Variants in TRIM44 observed in about 807,000 individuals in gnomAD.
TRIM44 encodes tripartite motif containing 44.
Under a neutral mutation model 37.4 loss-of-function variants are expected in TRIM44, and 13 were observed. The observed-to-expected ratio is 0.35, with a 90% confidence interval of 0.23 to 0.55. TRIM44 has a LOEUF of 0.55. Ranked by LOEUF, TRIM44 falls within the 20% of genes least tolerant of loss-of-function variation. TRIM44 has a pLI of 0.89. For synonymous variants in TRIM44, 175 were observed against 157.2 expected, an observed-to-expected ratio of 1.11 and a Z score of -0.85; for missense variants, 426 against 437.2, an observed-to-expected ratio of 0.97 and a Z score of 0.23.
intron 1 of TRIM44, among the ~76,000 whole-genome samples, chr11:35,676,444 TGTCTTTGGAGAAGAG>T (rs1450339528): frequency 6.6e-6 from 1 of 152,142 alleles, no homozygotes; most frequent in Non-Finnish European, 1.5e-5. Flanking sequence ...GAGAAAAACT[TGTCTTTGGAGAAGAG>T]GCTTCTGTAT....
At chr11:35,705,917 A>G (rs1851872709) in intron 2 of TRIM44, among the ~76,000 whole-genome samples, 1 of 148,986 alleles carries the variant, frequency 6.7e-6, no homozygotes, top group Non-Finnish European at 1.5e-5. Context: ...AAATCAGAGC[A>G]GAACTGAAGG....
At chr11:35,666,609 A>G (rs1046969334) in intron 1 of TRIM44, among the ~76,000 whole-genome samples, 1 of 152,116 alleles carries the variant, frequency 6.6e-6, no homozygotes, top group African/African-American at 2.4e-5. Flanking sequence ...AATATTGTAG[A>G]AAATATGAGC....
At chr11:35,761,150 T>C (rs1028814741) in intron 4 of TRIM44, among the ~76,000 whole-genome samples, 4 of 152,362 alleles carry the variant, frequency 2.6e-5, no homozygotes, top group Non-Finnish European at 2.9e-5. Context: ...CCAACTAGTA[T>C]TCCATTGTGT....
At chr11:35,689,506 A>G (rs535709803) in intron 2 of TRIM44, among the ~76,000 whole-genome samples, 2 of 152,298 alleles carry the variant, frequency 1.3e-5, no homozygotes, top group South Asian at 2.1e-4. Context: ...GACTTGGTTT[A>G]GTTTGCAAAC....
chr11:35,795,527 C>T (rs970541805), intron 4 of TRIM44, among the ~76,000 whole-genome samples: 1 of 151,964 alleles, frequency 6.6e-6, no homozygotes, highest in African/African-American at 2.4e-5. Flanking sequence ...ATTTTGAGCA[C>T]CATGCTTGGC....
chr11:35,752,463 G>A (rs1009264102), intron 4 of TRIM44, among the ~76,000 whole-genome samples: 1 of 152,114 alleles, frequency 6.6e-6, no homozygotes, highest in Non-Finnish European at 1.5e-5. Flanking sequence ...CATTGTGTCT[G>A]GAATTTGTGT....
rs375362032 is a variant in TRIM44 at position 35,727,912 on chromosome 11, A to G, written c.987+1749A>G. Among the ~76,000 whole-genome samples the G allele has an allele frequency of 1.8e-4, 27 of 152,388 alleles. No individual in the cohort carries two copies. In the East Asian group the frequency reaches 5.2e-3, roughly 29 times the overall value. On this transcript the variant is annotated intron_variant, in intron 3 of 4. Coordinates refer to ENST00000299413, the MANE Select transcript of TRIM44 (RefSeq NM_017583.6). ...AGATGGTCAGTTTGTGTCTTAATAA[A>G]CAAAAGGTTCAACCAGAGTTAATTC...
In TRIM44 at chr11:35,663,036, G is replaced by T; in HGVS notation, c.-76G>T. 6.9e-7 allele frequency: 1 copy of T among 1,441,846 alleles called. No homozygotes were observed. The highest frequency in any genetic ancestry group is 1.5e-5 in the South Asian group (1 of 67,258). 89.3% of individuals were successfully genotyped at this position (1,441,846 alleles called of 1,614,324 possible). A position where few individuals can be genotyped will look rare whatever the true frequency, so the allele number is the denominator to read the frequency against. On this transcript the variant is annotated 5_prime_UTR_variant, in exon 1 of 5. In the 5' UTR this introduces an upstream ATG that the reference lacks. Transcript: ENST00000299413. Reference sequence around the variant, plus strand: ...CCCTAGGAAGGGACCCGGGGCGGGAGGAGGAAGTGAGGCCGCGCGGAAGGA... The same window carrying T: ...CCCTAGGAAGGGACCCGGGGCGGGATGAGGAAGTGAGGCCGCGCGGAAGGA...
In TRIM44 at chr11:35,802,703, C is replaced by T. The variant is rs1453302596; in HGVS notation, c.1008-3655C>T. 3.3e-5 allele frequency among the ~76,000 whole-genome samples: 5 copies of T among 152,124 alleles called. No homozygotes were observed. In the East Asian group the frequency reaches 5.8e-4, roughly 18 times the overall value. On this transcript the variant is annotated intron_variant, in intron 4 of 4. Coordinates refer to ENST00000299413, the MANE Select transcript of TRIM44 (RefSeq NM_017583.6). ...AAGGCCGGTTAACTAAACTTCACTCCGTATTTGTTCTCCCCAGTGTTTGGC... is the reference window on the plus strand; with the variant it reads ...AAGGCCGGTTAACTAAACTTCACTCTGTATTTGTTCTCCCCAGTGTTTGGC...
Position 35,663,157 on chromosome 11 carries a change from G to T in TRIM44, c.46G>T (p.Gly16Cys), listed in dbSNP as rs1166806753. The T allele has an allele frequency of 2.6e-6, 4 of 1,552,684 alleles. No homozygotes were observed. The highest frequency in any genetic ancestry group is 1.2e-5 in the South Asian group (1 of 81,310). ...GAAFEELPHD[G>C]TCDECEPDEA... ...GGCCTTCGAGGAACTGCCTCACGAC[G>T]GCACGTGTGACGAGTGCGAGCCCGA... The change falls in exon 1 of 5, where the codon GGC (glycine) becomes TGC (cysteine). Residue 16 changes from glycine to cysteine, a missense_variant. Physicochemically the swap from Gly to Cys is radical, Grantham distance 159 (BLOSUM62 -3). Coordinates refer to ENST00000299413, the MANE Select transcript of TRIM44 (RefSeq NM_017583.6).
Position 35,663,483 on chromosome 11 carries a change from G to T in TRIM44, c.372G>T (p.Glu124Asp), listed in dbSNP as rs1466013298. The T allele has an allele frequency of 6.4e-7, 1 of 1,571,202 alleles. No individual in the cohort carries two copies. Among genetic ancestry groups the T allele is most frequent in the Non-Finnish European group, 8.6e-7 (1 of 1,157,674 alleles). ...AGAGTGAGGATGAGAGCGATGAGGA[G>T]AGTGAAGAAGACAGCGAGGAAGAAA... ...EEESEDESDE[E>D]SEEDSEEEME... Residue 124 changes from glutamate (E) to aspartate (D), a missense_variant, in exon 1 of 5, where the codon GAG (glutamate) becomes GAT (aspartate). Physicochemically the swap from Glu to Asp is conservative, Grantham distance 45 (BLOSUM62 2). Coordinates refer to ENST00000299413, the MANE Select transcript of TRIM44 (RefSeq NM_017583.6).
At chr11:35,748,921 A>G (rs1047209190) in intron 4 of TRIM44, among the ~76,000 whole-genome samples, 2 of 152,216 alleles carry the variant, frequency 1.3e-5, no homozygotes, top group African/African-American at 4.8e-5. Flanking sequence ...GAGGCTGTCC[A>G]AAACTCATCT....
At position 35,817,513 on chromosome 11, in the gene TRIM44, A is replaced by C. The variant is rs1357065757; in HGVS notation, c.*11128A>C. 1 of 152,172 alleles carries C rather than the reference A, an allele frequency of 6.6e-6. No individual in the cohort carries two copies. Among genetic ancestry groups the C allele is most frequent in the Non-Finnish European group, 1.5e-5 (1 of 68,036 alleles). The allele number at this position is 152,172 out of a possible 1,614,324, so 9.4% of individuals were successfully genotyped here. A position where few individuals can be genotyped will look rare whatever the true frequency, so the allele number is the denominator to read the frequency against. On this transcript the variant is annotated 3_prime_UTR_variant, in exon 5 of 5. Coordinates refer to ENST00000299413, the MANE Select transcript of TRIM44 (RefSeq NM_017583.6). Reference sequence around the variant, plus strand: ...ATTGTTCCTCTAAGAGTCCCAAGTCATCTTTTTTCTCTCCGTGTGTGTTAG... The same window carrying C: ...ATTGTTCCTCTAAGAGTCCCAAGTCCTCTTTTTTCTCTCCGTGTGTGTTAG...
At chr11:35,747,189 C>G (rs1389259370) in intron 4 of TRIM44, among the ~76,000 whole-genome samples, 1 of 152,222 alleles carries the variant, frequency 6.6e-6, no homozygotes, top group Non-Finnish European at 1.5e-5. Flanking sequence ...CACTAAGCTG[C>G]CAACTTCTCG....
At chr11:35,678,137 G>A (rs1851480977) in intron 1 of TRIM44, among the ~76,000 whole-genome samples, 1 of 152,182 alleles carries the variant, frequency 6.6e-6, no homozygotes, top group Admixed American at 6.5e-5. Flanking sequence ...GCTGTGGTAA[G>A]GATTTTGGGT....
chr11:35,681,846 ATAAT>A (rs1344930457), intron 1 of TRIM44, among the ~76,000 whole-genome samples: 1 of 152,206 alleles, frequency 6.6e-6, no homozygotes. Flanking sequence ...CAGCAAACAA[ATAAT>A]TAACCAAAAC....
chr11:35,817,935 T>A lies in TRIM44; in HGVS notation c.*11550T>A, dbSNP rs1853598011. On this transcript the variant is annotated 3_prime_UTR_variant, in exon 5 of 5. Transcript: ENST00000299413. ...AGTTTCCTGAAGCCTCCCTAGAAGC[T>A]GAGCAGATGCCAGCATCATGCTTGC... The A allele has an allele frequency of 6.6e-6, 1 of 152,196 alleles. No homozygotes were observed. Among genetic ancestry groups the A allele is most frequent in the Non-Finnish European group, 1.5e-5 (1 of 68,050 alleles). 9.4% of individuals were successfully genotyped at this position (152,196 alleles called of 1,614,324 possible). A position where few individuals can be genotyped will look rare whatever the true frequency, so the allele number is the denominator to read the frequency against.
At chr11:35,710,617 A>AT (rs1851957657) in intron 2 of TRIM44, among the ~76,000 whole-genome samples, 3 of 152,342 alleles carry the variant, frequency 2.0e-5, no homozygotes, top group African/African-American at 7.2e-5. Flanking sequence ...AAAGTTTATT[A>AT]TGCAGATTTA....
chr11:35,729,621 A>G (rs1852227786), intron 3 of TRIM44, among the ~76,000 whole-genome samples: 2 of 152,030 alleles, frequency 1.3e-5, no homozygotes, highest in Non-Finnish European at 2.9e-5. Context: ...CTCCTCCCCA[A>G]CTAGCTCTGT....
Sources: allele counts gnomAD v4.1 joint callset (sites outside exome capture counted in the v4.1 genomes callset), GRCh38; gene constraint gnomAD v4.1.1; transcripts MANE v1.5; gene names NCBI Gene and HGNC (gene_info 2026-07-23, HGNC 2026-07-21).